Variants in GIT2 observed in about 807,000 individuals in gnomAD.
The protein encoded by GIT2 is ARF GTPase-activating protein GIT2.
GIT2 carries 32 observed loss-of-function variants against 100.3 expected under a neutral mutation model. That is an observed-to-expected ratio of 0.32 (90% CI 0.24 to 0.43). The LOEUF is 0.43. Ranked by LOEUF, GIT2 falls within the 20% of genes least tolerant of loss-of-function variation. The pLI is 1.00. For synonymous variants in GIT2, 353 were observed against 364.1 expected (o/e 0.97, Z 0.35); for missense variants, 737 against 975.1 (o/e 0.76, Z 3.25).
chr12:109,995,653 C>G (rs945010866), intron 1 of GIT2, among the ~76,000 whole-genome samples: 2 of 152,106 alleles, frequency 1.3e-5, no homozygotes, highest in East Asian at 3.9e-4. Flanking sequence ...TGGAAGACCC[C>G]GATCTCCTGG....
intron 11 of GIT2, 75 bp from the exon 12 acceptor site, chr12:109,960,033 A>G (rs1287876424): frequency 2.1e-6 from 2 of 948,764 alleles, no homozygotes; most frequent in African/African-American, 3.2e-5. Flanking sequence ...AAAACTAGTC[A>G]GACTATTGAC....
At chr12:109,964,620 GACACACACACACACACACACACAC>G (rs58007337) in intron 9 of GIT2, among the ~76,000 whole-genome samples, 111 of 119,056 alleles carry the variant, frequency 9.3e-4, no homozygotes, top group African/African-American at 2.2e-3. Context: ...TTAATCTAAA[GACACACACACACACACACACACAC>G]ACACACACAC....
At chr12:109,951,431 C>G in intron 13 of GIT2, 115 bp from the exon 14 acceptor site, 2 of 770,250 alleles carry the variant, frequency 2.6e-6, no homozygotes, top group Admixed American at 2.4e-5. Context: ...TTAGTCAAAC[C>G]AAATCAAGGC....
intron 15 of GIT2, 57 bp from the exon 16 acceptor site, chr12:109,945,406 C>A: frequency 2.4e-6 from 2 of 839,566 alleles, no homozygotes; most frequent in South Asian, 2.8e-5. Context: ...AAAAACCTAC[C>A]ACCTTGCCAG....
Position 109,952,485 on chromosome 12 carries a change from C to A in GIT2, c.1242+607G>T. The A allele has an allele frequency of 7.7e-6, 4 of 518,892 alleles. No homozygotes were observed. In the Admixed American group the frequency reaches 7.8e-5, roughly 10 times the overall value. 32.1% of individuals were successfully genotyped at this position (518,892 alleles called of 1,614,324 possible). A position where few individuals can be genotyped will look rare whatever the true frequency, so the allele number is the denominator to read the frequency against. On this transcript the variant is annotated intron_variant, in intron 13 of 19. Coordinates refer to ENST00000355312, the MANE Select transcript of GIT2 (RefSeq NM_057169.5). Reference sequence around the variant, plus strand: ...CCTGGGCTCTGCACTGCCTGTGAGGCCCACTCTCTTCCGTCGGGTGTCATA... The same window carrying A: ...CCTGGGCTCTGCACTGCCTGTGAGGACCACTCTCTTCCGTCGGGTGTCATA...
rs1018959710 is a variant in GIT2 at position 109,933,188 on chromosome 12, T to C, written c.2070A>G (p.Lys690=). The change falls in exon 20 of 20, where the codon AAA becomes AAG. Residue 690 remains lysine, a splice_region_variant and synonymous_variant. Transcript: ENST00000355312. This position sits in a 1 kb window ranked among gnomAD's most constrained non-coding sequence, Gnocchi z 4.5. Reference sequence around the variant, plus strand: ...AAGTCCTCACCATATCAGACTTGGGTTTCTAAAAGGAAAAAGACAGCCGTT... The same window carrying C: ...AAGTCCTCACCATATCAGACTTGGGCTTCTAAAAGGAAAAAGACAGCCGTT... ...VTEMAALFPK[K]PKSDMVRTSL... 1 of 1,539,480 alleles carries C rather than the reference T, an allele frequency of 6.5e-7. No homozygotes were observed. Among genetic ancestry groups the C allele is most frequent in the Non-Finnish European group, 8.8e-7 (1 of 1,134,192 alleles).
chr12:109,965,085 G>A (rs1171351698), intron 9 of GIT2, among the ~76,000 whole-genome samples: 1 of 152,202 alleles, frequency 6.6e-6, no homozygotes, highest in Non-Finnish European at 1.5e-5. Flanking sequence ...ATGGGAAAGA[G>A]GTTTACAATA....
chr12:109,996,094 C>G, intron 1 of GIT2, 79 bp downstream of exon 1: 1 of 930,336 alleles, frequency 1.1e-6, no homozygotes, highest in South Asian at 1.7e-5. Flanking sequence ...GGGATGCAGC[C>G]TGACCTGAGG....
chr12:109,953,522 G>A (rs1878497865), intron 12 of GIT2: 1 of 289,804 alleles, frequency 3.5e-6, no homozygotes, highest in South Asian at 5.1e-5. Context: ...AGCTACTCAG[G>A]AGGCTAAGAC....
chr12:109,939,343 C>T, intron 16 of GIT2, 96 bp from the exon 17 acceptor site: 1 of 745,048 alleles, frequency 1.3e-6, no homozygotes, highest in South Asian at 1.4e-5. Flanking sequence ...TACTGGCCTT[C>T]ACATCCCAAA....
chr12:109,975,688 A>G (rs1467299462), intron 7 of GIT2, among the ~76,000 whole-genome samples: 1 of 151,690 alleles, frequency 6.6e-6, no homozygotes, highest in Non-Finnish European at 1.5e-5. Context: ...ATTTTGAATC[A>G]AAATATCTTT....
intron 4 of GIT2, among the ~76,000 whole-genome samples, chr12:109,986,787 AAAC>A (rs1887474010): frequency 1.3e-5 from 2 of 149,950 alleles, no homozygotes; most frequent in African/African-American, 5.0e-5. Context: ...ACAAACAAAC[AAAC>A]AAAAAAAAAC....
At chr12:109,936,236 C>T (rs1872935454) in intron 18 of GIT2, among the ~76,000 whole-genome samples, 2 of 148,852 alleles carry the variant, frequency 1.3e-5, no homozygotes, top group South Asian at 4.2e-4. Flanking sequence ...TGATTAAAAT[C>T]TCTGCATCAT....
intron 12 of GIT2, among the ~76,000 whole-genome samples, chr12:109,957,219 G>A (rs749830497): frequency 5.3e-5 from 8 of 151,908 alleles, no homozygotes; most frequent in African/African-American, 1.2e-4. Context: ...GTGAGTTCTC[G>A]CTCTATTAGT....
At chr12:109,993,436 G>A (rs554564300) in intron 1 of GIT2, among the ~76,000 whole-genome samples, 11 of 152,204 alleles carry the variant, frequency 7.2e-5, no homozygotes, top group Admixed American at 1.3e-4. Context: ...AATCAAAGAC[G>A]AATCCTGGGA....
Position 109,938,472 on chromosome 12 carries a change from G to C in GIT2, c.1911C>G (p.Leu637=). ...AEPHVAPSPT[L]PSTEDVIRKT... ...TCCTGATGACATCTTCGGTGCTAGGGAGAGTGGGGCTTGGGGCCACATGGG... is the reference window on the plus strand; with the variant it reads ...TCCTGATGACATCTTCGGTGCTAGGCAGAGTGGGGCTTGGGGCCACATGGG... The change falls in exon 18 of 20, where the codon CTC becomes CTG. Residue 637 remains leucine (L), a synonymous_variant. Coordinates refer to ENST00000355312, the MANE Select transcript of GIT2 (RefSeq NM_057169.5). The C allele has an allele frequency of 6.2e-7, 1 of 1,613,798 alleles. No homozygotes were observed. Among genetic ancestry groups the C allele is most frequent in the African/African-American group, 1.3e-5 (1 of 75,008 alleles).
In GIT2 at chr12:109,991,775, A is replaced by G; in HGVS notation, c.53-15T>C. 6.2e-7 allele frequency: 1 copy of G among 1,607,490 alleles called. No homozygotes were observed. The highest frequency in any genetic ancestry group is 2.2e-5 in the East Asian group (1 of 44,666). On this transcript the variant is annotated splice_polypyrimidine_tract_variant and intron_variant, in intron 1 of 19. Coordinates refer to ENST00000355312, the MANE Select transcript of GIT2 (RefSeq NM_057169.5). ...CCAGGAAGGATCTGGAAAGAGAGTG[A>G]AATCTCAGTGGCAGGGATACCAGCA...
chr12:109,969,045 A>G (rs12826407), intron 7 of GIT2, among the ~76,000 whole-genome samples: 146 of 152,018 alleles, frequency 9.6e-4, no homozygotes, highest in Non-Finnish European at 1.7e-3. Context: ...AATTCTTTGA[A>G]TATTCTAAAT....
intron 7 of GIT2, among the ~76,000 whole-genome samples, chr12:109,969,652 T>A (rs2136531288): frequency 6.6e-6 from 1 of 152,270 alleles, no homozygotes; most frequent in African/African-American, 2.4e-5. Context: ...GCTCAAGTGA[T>A]CCTCCTACTT....
Sources: gnomAD v4.1 joint callset for allele counts (sites outside exome capture counted in the v4.1 genomes callset) on GRCh38, gnomAD v4.1.1 for gene constraint, Gnocchi (gnomAD v3.1) non-coding constraint, MANE v1.5 for transcripts, NCBI Gene and HGNC (gene_info 2026-07-23, HGNC 2026-07-21) for gene names.